RARB: variants seen among roughly 807,000 people sequenced by gnomAD.
The protein encoded by RARB is retinoic acid receptor beta, also known as HBV-activated protein.
A neutral mutation model predicts 51.9 loss-of-function variants in RARB; 17 were observed. The ratio of observed to expected loss-of-function variants is 0.33; its 90% confidence interval spans 0.22 to 0.49. The LOEUF (loss-of-function observed/expected upper bound fraction) is 0.49. RARB is among the 20% of genes least tolerant of loss of function. RARB has a pLI of 0.99. For missense variants in RARB, 369 were observed against 550.8 expected (o/e 0.67, Z 3.30); for synonymous variants, 215 against 195.4 (o/e 1.10, Z -0.84).
chr3:24,882,516 A>G (rs1182840715), intron 2 of RARB, among the ~76,000 whole-genome samples: 1 of 152,220 alleles, frequency 6.6e-6, no homozygotes, highest in Non-Finnish European at 1.5e-5. Flanking sequence ...AGCTCCTGGG[A>G]GCAATCCCCC....
At chr3:25,290,604 G>T (rs968878869) in intron 5 of RARB, among the ~76,000 whole-genome samples, 2 of 152,190 alleles carry the variant, frequency 1.3e-5, no homozygotes, top group African/African-American at 2.4e-5. Context: ...TTTACAAGGA[G>T]TATCTCTGAT....
At chr3:24,896,049 T>C (rs1415857545) in intron 2 of RARB, among the ~76,000 whole-genome samples, 1 of 152,216 alleles carries the variant, frequency 6.6e-6, no homozygotes, top group Non-Finnish European at 1.5e-5. Context: ...TGAAATTCCG[T>C]TACATGATGC....
intron 5 of RARB, among the ~76,000 whole-genome samples, chr3:25,256,779 A>G (rs1411612948): frequency 2.0e-5 from 3 of 152,120 alleles, no homozygotes; most frequent in East Asian, 3.9e-4. Flanking sequence ...GCAAACGTGT[A>G]TAATGATGAA....
chr3:25,100,360 G>A (rs2125320813), intron 3 of RARB, among the ~76,000 whole-genome samples: 1 of 152,256 alleles, frequency 6.6e-6, no homozygotes, highest in East Asian at 1.9e-4. Context: ...ACAAGAAGGA[G>A]CCAGCATGCA....
chr3:25,146,538 C>T lies in RARB; in HGVS notation c.-280+14330C>T, dbSNP rs181790769. ...TTTTTTTTTTTTGAGACAAGAGTCT[C>T]GCTCTGTTGCCCAGGCTGGAGTGCA... On this transcript the variant is annotated intron_variant, in intron 4 of 11. Coordinates refer to the RARB transcript ENST00000383772. 9.7e-3 allele frequency among the ~76,000 whole-genome samples: 1,311 copies of T among 135,214 alleles called. 27 individuals are homozygous for T. Among genetic ancestry groups the T allele is most frequent in the African/African-American group, 0.033 (1,217 of 36,650 alleles). 88.7% of individuals were successfully genotyped at this position (135,214 alleles called of 152,430 possible).
At chr3:25,163,504 A>AAAATATATAT (rs1303712411) in intron 4 of RARB, among the ~76,000 whole-genome samples, 7 of 131,094 alleles carry the variant, frequency 5.3e-5, no homozygotes, top group African/African-American at 2.2e-4. Flanking sequence ...CCTATCTCAA[A>AAAATATATAT]ATATATATAT....
chr3:25,329,473 CAG>C (rs1349289339), intron 5 of RARB, among the ~76,000 whole-genome samples: 1 of 152,228 alleles, frequency 6.6e-6, no homozygotes, highest in African/African-American at 2.4e-5. Context: ...AACTAATAAA[CAG>C]AAAGGACATC....
chr3:25,075,619 C>G (rs1042986937), intron 3 of RARB, among the ~76,000 whole-genome samples: 4 of 151,224 alleles, frequency 2.6e-5, no homozygotes, highest in Non-Finnish European at 5.9e-5. Flanking sequence ...TCTTATTATC[C>G]ATATACAGAG....
chr3:25,253,075 G>A (rs1172061051), intron 5 of RARB, among the ~76,000 whole-genome samples: 1 of 152,180 alleles, frequency 6.6e-6, no homozygotes, highest in African/African-American at 2.4e-5. Context: ...TTGATTACAT[G>A]TGGGAGGTAG....
intron 2 of RARB, among the ~76,000 whole-genome samples, chr3:24,946,159 G>A (rs1176452087): frequency 6.6e-6 from 1 of 151,554 alleles, no homozygotes; most frequent in Non-Finnish European, 1.5e-5. Flanking sequence ...CAGCTACTCG[G>A]GAGACTGAGG....
upstream of RARB, among the ~76,000 whole-genome samples, chr3:25,427,251 C>T (rs915217779): frequency 1.3e-5 from 2 of 152,118 alleles, no homozygotes; most frequent in Non-Finnish European, 2.9e-5. Flanking sequence ...TTTGTTTCAC[C>T]AGTTGAACAG....
chr3:25,341,742 C>T (rs1705233842), intron 5 of RARB, among the ~76,000 whole-genome samples: 1 of 152,170 alleles, frequency 6.6e-6, no homozygotes, highest in East Asian at 1.9e-4. Flanking sequence ...TCAAGGGATG[C>T]CACTAAACCT....
intron 5 of RARB, among the ~76,000 whole-genome samples, chr3:25,349,011 C>T (rs145303442): frequency 6.6e-6 from 1 of 152,286 alleles, no homozygotes; most frequent in African/African-American, 2.4e-5. Flanking sequence ...ATACAAATCT[C>T]GTTAGGATCA....
chr3:25,094,716 C>A (rs1417314885), intron 3 of RARB, among the ~76,000 whole-genome samples: 61 of 43,100 alleles, frequency 1.4e-3, no homozygotes, highest in South Asian at 6.8e-3. Flanking sequence ...GACCCCATCT[C>A]AAAAAAAAAA....
intron 5 of RARB, among the ~76,000 whole-genome samples, chr3:25,228,559 T>A (rs1261448164): frequency 6.6e-6 from 1 of 152,082 alleles, no homozygotes; most frequent in Admixed American, 6.6e-5. Context: ...CATATTTTCT[T>A]CCATTTTTTT....
intron 4 of RARB, among the ~76,000 whole-genome samples, chr3:25,157,741 G>T (rs1412420502): frequency 6.6e-6 from 1 of 152,118 alleles, no homozygotes; most frequent in Non-Finnish European, 1.5e-5. Context: ...ACAAATTTGT[G>T]TGCTAAGTCC....
chr3:24,839,476 G>T (rs1702390378), intron 1 of RARB, among the ~76,000 whole-genome samples: 1 of 151,492 alleles, frequency 6.6e-6, no homozygotes, highest in Non-Finnish European at 1.5e-5. Context: ...GAGGTGAGAG[G>T]ACTGCTTGAA....
intron 2 of RARB, among the ~76,000 whole-genome samples, chr3:25,010,789 TTC>T (rs761591830): frequency 6.6e-6 from 1 of 152,138 alleles, no homozygotes; most frequent in African/African-American, 2.4e-5. Context: ...TCCCCGATCC[TTC>T]TTTGGTCAGA....
chr3:25,397,489 T>A (rs988068824), intron 5 of RARB, among the ~76,000 whole-genome samples: 3 of 152,308 alleles, frequency 2.0e-5, no homozygotes, highest in African/African-American at 7.2e-5. Flanking sequence ...AAGCAAAAGT[T>A]CACAGTGTGA....
Sources: allele counts gnomAD v4.1 joint callset (sites outside exome capture counted in the v4.1 genomes callset), GRCh38; gene constraint gnomAD v4.1.1; transcripts MANE v1.5; gene names NCBI Gene and HGNC (gene_info 2026-07-23, HGNC 2026-07-21).